The following BMPR1B variants were observed in gnomAD, a reference collection of about 807,000 sequenced individuals.
BMPR1B encodes bone morphogenetic protein receptor type-1B.
In BMPR1B, 12 loss-of-function variants were observed where a neutral mutation model predicts 59.1. The observed-to-expected ratio is 0.20, with a 90% CI of 0.13 to 0.33. BMPR1B has a LOEUF of 0.33. BMPR1B is among the 10% of genes least tolerant of loss of function. The probability of loss-of-function intolerance (pLI) is 1.00; values close to 1 mark genes in which losing one functional copy is unlikely to be tolerated. For missense variants in BMPR1B, 550 were observed against 610.9 expected, an observed-to-expected ratio of 0.90 and a Z score of 1.05; for synonymous variants, 237 against 207.3, an observed-to-expected ratio of 1.14 and a Z score of -1.23.
At chr4:94,829,699 G>A (rs1207269673) in intron 1 of BMPR1B, among the ~76,000 whole-genome samples, 2 of 152,132 alleles carry the variant, frequency 1.3e-5, no homozygotes, top group Non-Finnish European at 2.9e-5. Flanking sequence ...GGAGAGGAAA[G>A]GAAACAGCCT....
chr4:94,782,226 A>G (rs1010034136), intron 1 of BMPR1B, among the ~76,000 whole-genome samples: 1 of 151,348 alleles, frequency 6.6e-6, no homozygotes, highest in Admixed American at 6.6e-5. Context: ...CCATTGACCT[A>G]TCTTGTTTGT....
At chr4:94,943,143 ATT>A (rs35195946) in intron 2 of BMPR1B, among the ~76,000 whole-genome samples, 14 of 142,094 alleles carry the variant, frequency 9.9e-5, no homozygotes, top group Admixed American at 1.4e-4. Flanking sequence ...TCCACTCACT[ATT>A]TTTTTTTTTT....
intron 2 of BMPR1B, among the ~76,000 whole-genome samples, chr4:94,922,303 A>G (rs1278807861): frequency 6.6e-6 from 1 of 152,022 alleles, no homozygotes; most frequent in African/African-American, 2.4e-5. Context: ...TGTGTGTAAC[A>G]TGTGGATACC....
chr4:94,820,930 A>T (rs1052566094), intron 1 of BMPR1B, among the ~76,000 whole-genome samples: 1 of 152,230 alleles, frequency 6.6e-6, no homozygotes, highest in Non-Finnish European at 1.5e-5. Context: ...ATTCTAAGAG[A>T]GATCATTAGA....
At chr4:94,834,469 T>C (rs1724722373) in intron 1 of BMPR1B, among the ~76,000 whole-genome samples, 3 of 152,048 alleles carry the variant, frequency 2.0e-5, no homozygotes, top group African/African-American at 2.4e-5. Flanking sequence ...CTTTTTCCTC[T>C]CCACCTCCCC....
intron 3 of BMPR1B, among the ~76,000 whole-genome samples, chr4:95,061,211 C>A (rs4699833): frequency 0.01 from 1,261 of 123,502 alleles, 6 homozygotes; most frequent in Middle Eastern, 0.028. Context: ...ACACACACAC[C>A]ACACACCCCT....
chr4:94,986,187 T>C (rs1721393530), intron 2 of BMPR1B, among the ~76,000 whole-genome samples: 1 of 152,174 alleles, frequency 6.6e-6, no homozygotes, highest in Non-Finnish European at 1.5e-5. Context: ...TTTGTTAACA[T>C]TATTTCGTCT....
intron 3 of BMPR1B, among the ~76,000 whole-genome samples, chr4:95,093,048 G>A (rs972502642): frequency 3.3e-5 from 5 of 152,052 alleles, no homozygotes; most frequent in Non-Finnish European, 7.4e-5. Context: ...CTAACAATGT[G>A]GAGCTGAATT....
At chr4:94,772,128 T>G (rs913683445) in intron 1 of BMPR1B, among the ~76,000 whole-genome samples, 1 of 152,248 alleles carries the variant, frequency 6.6e-6, no homozygotes, top group African/African-American at 2.4e-5. Context: ...CTGATTTGAT[T>G]CATCAGAATG....
At chr4:95,060,797 C>A (rs1727304540) in intron 3 of BMPR1B, among the ~76,000 whole-genome samples, 1 of 152,034 alleles carries the variant, frequency 6.6e-6, no homozygotes. Context: ...GCTATCTAGG[C>A]AGTTTTGGGG....
chr4:94,994,961 T>A (rs374434334), intron 2 of BMPR1B, among the ~76,000 whole-genome samples: 8 of 152,202 alleles, frequency 5.3e-5, no homozygotes, highest in Non-Finnish European at 8.8e-5. Context: ...GATTTTCTTA[T>A]CTGTAAGATG....
chr4:94,915,180 A>G (rs1728434935), intron 2 of BMPR1B, among the ~76,000 whole-genome samples: 2 of 152,216 alleles, frequency 1.3e-5, no homozygotes, highest in South Asian at 2.1e-4. Context: ...TCACCTTTCC[A>G]TGCTTTGAAA....
intron 2 of BMPR1B, among the ~76,000 whole-genome samples, chr4:94,940,954 G>C (rs542101481): frequency 4.6e-5 from 7 of 152,156 alleles, no homozygotes; most frequent in African/African-American, 1.7e-4. Flanking sequence ...AAGGTTGAAG[G>C]ACATTCTTCT....
intron 2 of BMPR1B, among the ~76,000 whole-genome samples, chr4:94,922,997 A>G (rs564584359): frequency 3.9e-5 from 6 of 152,278 alleles, no homozygotes; most frequent in African/African-American, 1.2e-4. Flanking sequence ...CTATGCTGCC[A>G]TTAGGTTAAT....
At chr4:94,768,137 G>GT (rs1418906217) in intron 1 of BMPR1B, among the ~76,000 whole-genome samples, 1 of 151,948 alleles carries the variant, frequency 6.6e-6, no homozygotes, top group African/African-American at 2.4e-5. Flanking sequence ...TAAAGATTTT[G>GT]TGTATATTCT....
chr4:95,091,671 T>C (rs1295726064), intron 3 of BMPR1B: 1 of 983,422 alleles, frequency 1.0e-6, no homozygotes, highest in Admixed American at 6.2e-5. Context: ...GACTGTTTTT[T>C]TTTTCCCTCC....
intron 2 of BMPR1B, among the ~76,000 whole-genome samples, chr4:94,902,084 TGTGG>T (rs1349469509): frequency 0.014 from 1,826 of 127,926 alleles, 37 homozygotes; most frequent in African/African-American, 0.046. Context: ...TGTGTGTGTG[TGTGG>T]GGTGTATTTA....
At chr4:95,049,161 A>G (rs746174618) in intron 3 of BMPR1B, among the ~76,000 whole-genome samples, 33 of 151,746 alleles carry the variant, frequency 2.2e-4, no homozygotes, top group Non-Finnish European at 3.7e-4. Context: ...TCACCCAGGC[A>G]TGATTGCAGT....
At chr4:95,136,149 A>G (rs1037077522) in intron 10 of BMPR1B, among the ~76,000 whole-genome samples, 1 of 152,100 alleles carries the variant, frequency 6.6e-6, no homozygotes, top group African/African-American at 2.4e-5. Context: ...GCTAGGCAAT[A>G]ATTAATAGCC....
Sources: allele counts gnomAD v4.1 joint callset (sites outside exome capture counted in the v4.1 genomes callset), GRCh38; gene constraint gnomAD v4.1.1; transcripts MANE v1.5; gene names NCBI Gene and HGNC (gene_info 2026-07-23, HGNC 2026-07-21).